The following MAST4 variants were observed in gnomAD, a reference collection of about 807,000 sequenced individuals.
MAST4 encodes microtubule associated serine/threonine kinase family member 4.
MAST4 carries 89 observed loss-of-function variants against 162.7 expected under a neutral mutation model. The ratio of observed to expected loss-of-function variants is 0.55; its 90% CI spans 0.46 to 0.65. MAST4 has a LOEUF of 0.65. MAST4 is among the 30% of genes least tolerant of loss of function. The pLI is 0.00. For synonymous variants in MAST4, 1,479 were observed against 1,361.1 expected (o/e 1.09, Z -1.91); for missense variants, 3,153 against 3,374.0 (o/e 0.93, Z 1.62).
intron 1 of MAST4, among the ~76,000 whole-genome samples, chr5:66,649,812 C>G (rs1362980569): frequency 6.6e-6 from 1 of 152,126 alleles, no homozygotes; most frequent in African/African-American, 2.4e-5. Context: ...CTGCTATAAT[C>G]CCAGCACTTT....
At position 67,000,758 on chromosome 5, in the gene MAST4, G is replaced by GC. The variant is rs1561518234; in HGVS notation, c.675-53646_675-53645insC. Reference sequence around the variant, plus strand: ...AGTGAAACTCTGTCTAAAAAAAAAGGGGGGGGGTGGCTTGTGTCAACAGGT... The same window carrying GC: ...AGTGAAACTCTGTCTAAAAAAAAAGGCGGGGGGGTGGCTTGTGTCAACAGGT... On this transcript the variant is annotated intron_variant, in intron 4 of 28. Transcript: ENST00000403625. 6.8e-4 allele frequency among the ~76,000 whole-genome samples: 95 copies of GC among 139,014 alleles called. 1 individual carries two copies. The highest frequency in any genetic ancestry group is 2.6e-3 in the African/African-American group (89 of 34,736). The allele number at this position is 139,014 out of a possible 152,430, so 91.2% of individuals were successfully genotyped here.
chr5:66,734,455 C>T (rs1752043471), intron 1 of MAST4, among the ~76,000 whole-genome samples: 1 of 152,168 alleles, frequency 6.6e-6, no homozygotes, highest in Non-Finnish European at 1.5e-5. Context: ...AATTCTTAAT[C>T]TTAACTGTTT....
At chr5:67,147,640 T>C (rs1313311114) in intron 23 of MAST4, among the ~76,000 whole-genome samples, 1 of 152,242 alleles carries the variant, frequency 6.6e-6, no homozygotes, top group Non-Finnish European at 1.5e-5. Flanking sequence ...CATTTTATAC[T>C]TGTCAGTGAT....
At position 67,166,648 on chromosome 5, in the gene MAST4, G is replaced by T; in HGVS notation, c.7469G>T (p.Gly2490Val). The T allele has an allele frequency of 6.3e-7, 1 of 1,599,028 alleles. No individual in the cohort carries two copies. Among genetic ancestry groups the T allele is most frequent in the Non-Finnish European group, 8.5e-7 (1 of 1,173,000 alleles). The change falls in exon 29 of 29, where the codon GGC becomes GTC. Residue 2490 changes from glycine (G) to valine (V), a missense_variant. By Grantham distance (109) the Gly-to-Val change is moderately radical (BLOSUM62 -3). Transcript: ENST00000403625. ...SDTSSAKAAGGMLELPAPSNR... is the reference protein window; with the variant it reads ...SDTSSAKAAGVMLELPAPSNR... ...ACCTCTTCTGCCAAGGCCGCCGGGGGCATGCTGGAGCTTCCAGCCCCCAGC... is the reference window on the plus strand; with the variant it reads ...ACCTCTTCTGCCAAGGCCGCCGGGGTCATGCTGGAGCTTCCAGCCCCCAGC...
chr5:66,913,095 TG>T (rs1351204065), intron 4 of MAST4, among the ~76,000 whole-genome samples: 1 of 152,232 alleles, frequency 6.6e-6, no homozygotes, highest in Non-Finnish European at 1.5e-5. Context: ...TAGCTAGCAT[TG>T]CATTTCTCTC....
intron 3 of MAST4, among the ~76,000 whole-genome samples, chr5:66,891,545 G>A (rs1762364432): frequency 6.6e-6 from 1 of 152,038 alleles, no homozygotes; most frequent in African/African-American, 2.4e-5. Flanking sequence ...ATAAGATAAA[G>A]GCAGCCACTT....
chr5:67,106,606 C>G (rs1765624644), intron 10 of MAST4, among the ~76,000 whole-genome samples: 1 of 152,204 alleles, frequency 6.6e-6, no homozygotes, highest in Non-Finnish European at 1.5e-5. Flanking sequence ...ACCTATCTGC[C>G]TCCCTCCAGT....
chr5:67,117,403 A>G (rs1767046423), intron 12 of MAST4, among the ~76,000 whole-genome samples: 1 of 152,224 alleles, frequency 6.6e-6, no homozygotes, highest in African/African-American at 2.4e-5. Flanking sequence ...ATCTAAAGGT[A>G]GTAATCCAGT....
intron 5 of MAST4, among the ~76,000 whole-genome samples, chr5:67,068,248 C>T (rs761818338): frequency 2.6e-5 from 4 of 152,174 alleles, no homozygotes; most frequent in Non-Finnish European, 5.9e-5. Flanking sequence ...TTAGTCTGTT[C>T]TCATGCTGCT....
At chr5:66,922,675 T>C (rs916474144) in intron 4 of MAST4, among the ~76,000 whole-genome samples, 1 of 152,226 alleles carries the variant, frequency 6.6e-6, no homozygotes, top group African/African-American at 2.4e-5. Context: ...GATAGGACTC[T>C]TGAGATGTAT....
intron 2 of MAST4, among the ~76,000 whole-genome samples, chr5:66,775,033 G>A (rs941953861): frequency 3.7e-5 from 4 of 109,120 alleles, no homozygotes; most frequent in African/African-American, 6.6e-5. Flanking sequence ...GTGTGTGTGT[G>A]TGTATGTGTG....
intron 4 of MAST4, among the ~76,000 whole-genome samples, chr5:67,013,653 A>C (rs1380739868): frequency 1.3e-5 from 2 of 152,380 alleles, no homozygotes; most frequent in Admixed American, 6.5e-5. Context: ...CTGGATCCAT[A>C]GCTTACATAA....
At chr5:67,116,714 G>T (rs2150934128) in intron 12 of MAST4, among the ~76,000 whole-genome samples, 1 of 152,126 alleles carries the variant, frequency 6.6e-6, no homozygotes, top group East Asian at 2.0e-4. Flanking sequence ...TACTTGGGAG[G>T]CTGAGGCAGG....
intron 1 of MAST4, among the ~76,000 whole-genome samples, chr5:66,677,292 T>TA (rs1785631358): frequency 6.6e-6 from 1 of 152,196 alleles, no homozygotes; most frequent in Non-Finnish European, 1.5e-5. Flanking sequence ...ATCCCCAAGT[T>TA]ACAACGGCAA....
intron 1 of MAST4, among the ~76,000 whole-genome samples, chr5:66,660,595 A>T (rs1746841765): frequency 6.6e-6 from 1 of 152,218 alleles, no homozygotes; most frequent in African/African-American, 2.4e-5. Context: ...TGTTTGCAGT[A>T]TCTTGAAATT....
chr5:66,770,267 T>C (rs1328156402), intron 2 of MAST4, among the ~76,000 whole-genome samples: 1 of 152,232 alleles, frequency 6.6e-6, no homozygotes, highest in Non-Finnish European at 1.5e-5. Flanking sequence ...GTGTTCTAAA[T>C]AGAAGGTGTG....
chr5:67,073,303 T>C (rs746785253), intron 5 of MAST4, among the ~76,000 whole-genome samples: 1 of 152,186 alleles, frequency 6.6e-6, no homozygotes, highest in African/African-American at 2.4e-5. Flanking sequence ...GTCATCAAAA[T>C]TGATTTCTTT....
intron 4 of MAST4, among the ~76,000 whole-genome samples, chr5:66,969,284 T>TA (rs1225527483): frequency 6.6e-6 from 1 of 152,158 alleles, no homozygotes; most frequent in Non-Finnish European, 1.5e-5. Context: ...GCCCTGGAGA[T>TA]ACTTGAGTTT....
chr5:66,960,414 G>C (rs1581020212), intron 4 of MAST4, among the ~76,000 whole-genome samples: 2 of 152,166 alleles, frequency 1.3e-5, no homozygotes, highest in East Asian at 3.8e-4. Flanking sequence ...CTTGCTAGCT[G>C]TGACATTCTT....
Sources: gnomAD v4.1 joint callset for allele counts (sites outside exome capture counted in the v4.1 genomes callset) on GRCh38, gnomAD v4.1.1 for gene constraint, MANE v1.5 for transcripts, NCBI Gene and HGNC (gene_info 2026-07-23, HGNC 2026-07-21) for gene names.